The following SEMA3D variants were observed in gnomAD, a reference collection of about 807,000 sequenced individuals.
The protein encoded by SEMA3D is semaphorin 3D, also known as semaphorin-3D.
In SEMA3D, 84 loss-of-function variants were observed where a neutral mutation model predicts 100.1. The ratio of observed to expected loss-of-function variants is 0.84; its 90% CI spans 0.70 to 1.01. The LOEUF (loss-of-function observed/expected upper bound fraction) is 1.01. Ranked by LOEUF, SEMA3D falls within the 50% of genes least tolerant of loss-of-function variation. SEMA3D has a pLI of 0.00. For missense variants in SEMA3D, 875 were observed against 934.1 expected, an observed-to-expected ratio of 0.94 and a Z score of 0.82; for synonymous variants, 312 against 320.7, an observed-to-expected ratio of 0.97 and a Z score of 0.29.
At chr7:85,015,332 A>G in intron 15 of SEMA3D, 116 bp from the exon 16 acceptor site, 2 of 878,484 alleles carry the variant, frequency 2.3e-6, no homozygotes, top group Non-Finnish European at 1.8e-6. Flanking sequence ...TGTCCTGCCC[A>G]TTGTAAACAC....
chr7:85,197,350 A>G, the SEMA3D span, among the ~76,000 whole-genome samples: 6 of 152,166 alleles, frequency 3.9e-5, no homozygotes, highest in African/African-American at 1.4e-4. Flanking sequence ...GGTCTCCACA[A>G]ATCTTAACCT....
intron 18 of SEMA3D, among the ~76,000 whole-genome samples, chr7:85,000,837 T>C (rs1316346575): frequency 6.6e-6 from 1 of 152,176 alleles, no homozygotes; most frequent in Non-Finnish European, 1.5e-5. Context: ...AAAAGAGCCC[T>C]GCTTAATGTG....
intron 4 of SEMA3D, 61 bp downstream of exon 4, chr7:85,097,744 G>T: frequency 9.2e-7 from 1 of 1,082,720 alleles, no homozygotes; most frequent in East Asian, 2.5e-5. Flanking sequence ...AAAACAAAAC[G>T]GGAGAAGAAG....
intron 9 of SEMA3D, among the ~76,000 whole-genome samples, chr7:85,042,529 C>T (rs2115994991): frequency 6.6e-6 from 1 of 152,154 alleles, no homozygotes; most frequent in Non-Finnish European, 1.5e-5. Context: ...TGAGTAGATG[C>T]ATACAAGGCA....
chr7:85,110,271 G>A (rs919838166), intron 3 of SEMA3D, among the ~76,000 whole-genome samples: 1 of 151,874 alleles, frequency 6.6e-6, no homozygotes, highest in Admixed American at 6.6e-5. Context: ...TAAATGGATT[G>A]CAATTATTAT....
intron 1 of SEMA3D, among the ~76,000 whole-genome samples, chr7:85,168,419 T>C (rs547623132): frequency 6.5e-4 from 99 of 151,958 alleles, no homozygotes; most frequent in African/African-American, 2.2e-3. Flanking sequence ...CATGCTTTGA[T>C]GTAAATGTCA....
intron 5 of SEMA3D, among the ~76,000 whole-genome samples, chr7:85,074,457 T>C (rs980290988): frequency 2.0e-5 from 3 of 152,172 alleles, no homozygotes; most frequent in Non-Finnish European, 2.9e-5. Flanking sequence ...AGGATTGTTA[T>C]GGCTGTTATG....
chr7:85,213,597 T>A, the SEMA3D span, among the ~76,000 whole-genome samples: 1 of 152,026 alleles, frequency 6.6e-6, no homozygotes, highest in African/African-American at 2.4e-5. Context: ...TTGTCATGCA[T>A]CTGCCAGTGT....
chr7:85,135,718 G>A lies in SEMA3D; in HGVS notation c.-40-13787C>T, dbSNP rs184221660. Among the ~76,000 whole-genome samples, 597 of 146,970 alleles carry A rather than the reference G, an allele frequency of 4.1e-3. 4 individuals are homozygous for A. Among genetic ancestry groups the A allele is most frequent in the African/African-American group, 0.014 (569 of 40,080 alleles). ...AGAAAAAATTAGAAAAAATTAATTA[G>A]AAAAAAATCAATTTGCAAAGTTTTG... On this transcript the variant is annotated intron_variant, in intron 2 of 18. Transcript: ENST00000284136.
intron 3 of SEMA3D, among the ~76,000 whole-genome samples, chr7:85,106,750 A>C (rs1788938832): frequency 6.6e-6 from 1 of 152,074 alleles, no homozygotes. Flanking sequence ...GGCCTCAGGA[A>C]ACTTACAATC....
chr7:85,046,120 T>C (rs962829548), intron 9 of SEMA3D, among the ~76,000 whole-genome samples: 61 of 151,980 alleles, frequency 4.0e-4, no homozygotes, highest in African/African-American at 1.4e-3. Context: ...AATTATTTTG[T>C]TATGTGAATA....
chr7:85,121,022 C>A (rs1447956580), intron 3 of SEMA3D, among the ~76,000 whole-genome samples: 1 of 152,012 alleles, frequency 6.6e-6, no homozygotes, highest in Admixed American at 6.6e-5. Flanking sequence ...ATTCAAATTG[C>A]CAGCATAATT....
chr7:85,182,331 A>G (rs1791432359), intron 1 of SEMA3D, among the ~76,000 whole-genome samples: 1 of 152,186 alleles, frequency 6.6e-6, no homozygotes, highest in Non-Finnish European at 1.5e-5. Flanking sequence ...CCCTAATATT[A>G]GAAATAACAC....
chr7:85,057,750 T>C lies in SEMA3D; in HGVS notation c.719-1891A>G, dbSNP rs557874231. Among the ~76,000 whole-genome samples, 6 of 152,054 alleles carry C rather than the reference T, an allele frequency of 3.9e-5. No individual in the cohort carries two copies. The East Asian group carries it at 1.2e-3, about 29-fold the overall frequency. On this transcript the variant is annotated intron_variant, in intron 8 of 18. Transcript: ENST00000284136. Reference sequence around the variant, plus strand: ...TAGTTTGAGAACAGCCTGGCCAATATGGTGCAACCCTGTCTACTAAAAATA... The same window carrying C: ...TAGTTTGAGAACAGCCTGGCCAATACGGTGCAACCCTGTCTACTAAAAATA...
chr7:85,150,290 G>A (rs988472362), intron 2 of SEMA3D, among the ~76,000 whole-genome samples: 14 of 144,668 alleles, frequency 9.7e-5, no homozygotes, highest in Non-Finnish European at 2.0e-4. Context: ...GAGCTGTTAC[G>A]GTACTAAGAA....
chr7:85,195,680 T>A, the SEMA3D span, among the ~76,000 whole-genome samples: 1 of 152,158 alleles, frequency 6.6e-6, no homozygotes, highest in Non-Finnish European at 1.5e-5. Context: ...ATGGTCAAAC[T>A]TCATATAGCC....
chr7:85,142,932 A>T (rs1387369606), intron 2 of SEMA3D: 41 of 985,224 alleles, frequency 4.2e-5, no homozygotes, highest in Non-Finnish European at 4.6e-5. Context: ...AAATGCTGAG[A>T]CAATGCCATC....
At chr7:85,118,772 C>T (rs768667701) in intron 3 of SEMA3D, among the ~76,000 whole-genome samples, 5 of 152,108 alleles carry the variant, frequency 3.3e-5, no homozygotes, top group Non-Finnish European at 5.9e-5. Context: ...GTTTCTTTTG[C>T]TGTTCGGATG....
At chr7:85,178,103 T>C (rs757454473) in intron 1 of SEMA3D, among the ~76,000 whole-genome samples, 5 of 152,208 alleles carry the variant, frequency 3.3e-5, no homozygotes, top group Non-Finnish European at 7.3e-5. Context: ...CCTTCTGCCA[T>C]GATTGTAAGT....
Sources: allele counts gnomAD v4.1 joint callset (sites outside exome capture counted in the v4.1 genomes callset), GRCh38; gene constraint gnomAD v4.1.1; transcripts MANE v1.5; gene names NCBI Gene and HGNC (gene_info 2026-07-23, HGNC 2026-07-21).